CDK20: variants seen among roughly 807,000 people sequenced by gnomAD.
The protein encoded by CDK20 is cyclin dependent kinase 20.
CDK20 carries 40 observed loss-of-function variants against 38.6 expected under a neutral mutation model. That is an observed-to-expected ratio of 1.04 (90% CI 0.81 to 1.35). The LOEUF (loss-of-function observed/expected upper bound fraction) is 1.35, where lower values mean the gene tolerates loss of function less well. Ranked by LOEUF, CDK20 falls within the 40% of genes most tolerant of loss-of-function variation. CDK20 has a pLI of 0.00. For synonymous variants in CDK20, 209 were observed against 185.7 expected (o/e 1.13, Z -1.02); for missense variants, 512 against 452.6 (o/e 1.13, Z -1.19).
intron 4 of CDK20, 37 bp downstream of exon 4, chr9:87,970,739 C>T (rs992471237): frequency 1.9e-6 from 3 of 1,613,656 alleles, no homozygotes; most frequent in African/African-American, 2.7e-5. Flanking sequence ...CATCTCTTCC[C>T]CATGGAGAAG....
chr9:87,968,270 GT>G (rs1829572061), intron 7 of CDK20: 1 of 152,446 alleles, frequency 6.6e-6, no homozygotes, highest in Non-Finnish European at 1.5e-5. Context: ...CTTGGATAAA[GT>G]TACTCTGTCT....
chr9:87,969,576 CAT>C, intron 6 of CDK20: 4 of 778,646 alleles, frequency 5.1e-6, no homozygotes, highest in Non-Finnish European at 4.1e-6. Context: ...AGACACTGCA[CAT>C]GTGTGTACTG....
chr9:87,970,387 C>G (rs1344285907), intron 5 of CDK20, 181 bp downstream of exon 5: 3 of 608,714 alleles, frequency 4.9e-6, no homozygotes, highest in Admixed American at 3.1e-5. Context: ...CTACCCAGCT[C>G]GAAAACATCA....
rs1321525635 is a variant in CDK20, at chr9:87,971,279, C to G, written c.246G>C (p.Glu82Asp). ...CCTCGGCCAGATCCGACAGCATGAA[C>G]TCAAAGGCCAGCACAAAGCCTCCAC... Reference protein sequence around the residue: ...PHGGGFVLAFEFMLSDLAEVV... With the variant: ...PHGGGFVLAFDFMLSDLAEVV... Residue 82 changes from glutamate to aspartate, a missense_variant, in exon 3 of 8, where the codon GAG becomes GAC. By Grantham distance (45) the Glu-to-Asp change is conservative. Transcript: ENST00000325303. The G allele has an allele frequency of 6.2e-7, 1 of 1,614,082 alleles. No individual in the cohort carries two copies.
chr9:87,972,357 T>G (rs1338592405), intron 2 of CDK20, among the ~76,000 whole-genome samples: 6 of 152,088 alleles, frequency 3.9e-5, no homozygotes, highest in Non-Finnish European at 8.8e-5. Flanking sequence ...GAAAAGCAAG[T>G]GCAAGGCCCT....
intron 7 of CDK20, chr9:87,968,520 C>T (rs1175196634): frequency 6.6e-6 from 1 of 152,622 alleles, no homozygotes; most frequent in Non-Finnish European, 1.5e-5. Context: ...TGGTCATCGT[C>T]CTCCCAGGCC....
rs776675932 is a variant in CDK20 at position 87,971,093 on chromosome 9, C to T, written c.378+54G>A. 206 of 1,577,086 alleles carry T rather than the reference C, an allele frequency of 1.3e-4. 1 individual carries two copies. The highest frequency in any genetic ancestry group is 1.6e-4 in the Non-Finnish European group (186 of 1,153,030). ...CACCTTTTACAAGGGCTAGCCCCATCCCCAAGCCAAGTCAGCTCCCCAGAC... is the reference window on the plus strand; with the variant it reads ...CACCTTTTACAAGGGCTAGCCCCATTCCCAAGCCAAGTCAGCTCCCCAGAC... On this transcript the variant is annotated intron_variant, in intron 3 of 7. Coordinates refer to ENST00000325303, the MANE Select transcript of CDK20 (RefSeq NM_001039803.3).
In CDK20 at chr9:87,966,801, A is replaced by C; in HGVS notation, c.*661T>G. 1 of 340,898 alleles carries C rather than the reference A, an allele frequency of 2.9e-6. No homozygotes were observed. Among genetic ancestry groups the C allele is most frequent in the Non-Finnish European group, 5.8e-6 (1 of 172,500 alleles). 21.1% of individuals were successfully genotyped at this position (340,898 alleles called of 1,614,324 possible). On this transcript the variant is annotated 3_prime_UTR_variant, in exon 8 of 8. Coordinates refer to ENST00000325303, the MANE Select transcript of CDK20 (RefSeq NM_001039803.3). ...CTGGGCCTAGACTTCTGTCTCCCTC[A>C]CTTCTAAATGAGTGCTCAGTGATGT...
rs1158301590 is a variant in CDK20, at chr9:87,971,341, G to T, written c.190-6C>A. Reference sequence around the variant, plus strand: ...ACAGCCTTCAGTTGTACCACCTGTGGGCAGGACATCTTGTTAGCCCCCAGA... The same window carrying T: ...ACAGCCTTCAGTTGTACCACCTGTGTGCAGGACATCTTGTTAGCCCCCAGA... On this transcript the variant is annotated splice_polypyrimidine_tract_variant and splice_region_variant and intron_variant, in intron 2 of 7. Transcript: ENST00000325303. 5 of 1,607,748 alleles carry T rather than the reference G, an allele frequency of 3.1e-6. No individual in the cohort carries two copies. The highest frequency in any genetic ancestry group is 4.2e-6 in the Non-Finnish European group (5 of 1,176,744).
chr9:87,970,622 C>T lies in CDK20; in HGVS notation c.509G>A (p.Arg170Gln), dbSNP rs777935532. The T allele has an allele frequency of 1.2e-4, 192 of 1,613,868 alleles. No homozygotes were observed. Among genetic ancestry groups the T allele is most frequent in the Non-Finnish European group, 1.5e-4 (177 of 1,179,986 alleles). ...YTHQVATRWY[R>Q]APELLYGARQ... ...GGCACCATACAGGAGCTCGGGGGCTCGGTACCACCTGCGAGGAAGAGGGCT... is the reference window on the plus strand; with the variant it reads ...GGCACCATACAGGAGCTCGGGGGCTTGGTACCACCTGCGAGGAAGAGGGCT... Residue 170 changes from arginine to glutamine, a missense_variant, in exon 5 of 8, where the codon CGA becomes CAA. Coordinates refer to ENST00000325303, the MANE Select transcript of CDK20 (RefSeq NM_001039803.3).
rs1394523485 is a variant in CDK20, at chr9:87,971,188, T to C, written c.337A>G (p.Lys113Glu). 8 of 1,614,070 alleles carry C rather than the reference T, an allele frequency of 5.0e-6. No individual in the cohort carries two copies. Among genetic ancestry groups the C allele is most frequent in the Non-Finnish European group, 6.8e-6 (8 of 1,180,046 alleles). ...QVKSYLQMLL[K>E]GVAFCHANNI... is the part of the protein sequence containing the mutation. Reference sequence around the variant, plus strand: ...TTGGCATGGCAGAAGGCGACACCCTTGAGCAGCATCTGCAGGTAGCTCTTG... The same window carrying C: ...TTGGCATGGCAGAAGGCGACACCCTCGAGCAGCATCTGCAGGTAGCTCTTG... Residue 113 changes from lysine to glutamate, a missense_variant, in exon 3 of 8, where the codon AAG (lysine) becomes GAG (glutamate). By Grantham distance (56) the Lys-to-Glu change is moderately conservative. Coordinates refer to ENST00000325303, the MANE Select transcript of CDK20 (RefSeq NM_001039803.3).
rs1447739062 is a variant in CDK20 at position 87,973,952 on chromosome 9, C to T, written c.159G>A (p.Lys53=). ...GATTGTCCTCCATCTCCTGCAGAGC[C>T]TTAATCTCCCGCAGGGCCTGGTTAG... ...GFPNQALREI[K]ALQEMEDNQY... is the part of the protein sequence containing the mutation. Residue 53 remains lysine (K), a synonymous_variant, in exon 2 of 8, where the codon AAG becomes AAA. Transcript: ENST00000325303. The T allele has an allele frequency of 1.9e-6, 3 of 1,614,104 alleles. No individual in the cohort carries two copies. The highest frequency in any genetic ancestry group is 2.2e-5 in the East Asian group (1 of 44,860).
intron 2 of CDK20, among the ~76,000 whole-genome samples, chr9:87,972,239 G>T (rs1055547111): frequency 6.6e-6 from 1 of 152,104 alleles, no homozygotes; most frequent in African/African-American, 2.4e-5. Flanking sequence ...ACTAGAAGAG[G>T]ATAGTGTGAT....
chr9:87,970,388 G>A (rs1016879100), intron 5 of CDK20, 180 bp downstream of exon 5: 14 of 606,590 alleles, frequency 2.3e-5, no homozygotes, highest in South Asian at 1.4e-4. Context: ...TACCCAGCTC[G>A]AAAACATCAT....
At position 87,973,907 on chromosome 9, in the gene CDK20, C is replaced by T; in HGVS notation, c.189+15G>A. 6.2e-7 allele frequency: 1 copy of T among 1,610,990 alleles called. No individual in the cohort carries two copies. Among genetic ancestry groups the T allele is most frequent in the Non-Finnish European group, 8.5e-7 (1 of 1,178,030 alleles). On this transcript the variant is annotated intron_variant, in intron 2 of 7. Coordinates refer to ENST00000325303, the MANE Select transcript of CDK20 (RefSeq NM_001039803.3). The stretch of plus-strand genomic sequence containing the variant: ...ACTGAGGGTGAGAATACCATGCCCC[C>T]CCTCCCCTACTCACATACTGATTGT...
At position 87,974,373 on chromosome 9, in the gene CDK20, T is replaced by G. The variant is rs377600589; in HGVS notation, c.74A>C (p.Glu25Ala). The G allele has an allele frequency of 1.1e-4, 177 of 1,612,208 alleles. No individual in the cohort carries two copies. Among genetic ancestry groups the G allele is most frequent in the Non-Finnish European group, 1.4e-4 (171 of 1,179,890 alleles). Reference protein sequence around the residue: ...HGIVFKAKHVETGEIVALKKV... With the variant: ...HGIVFKAKHVATGEIVALKKV... ...CTGCCGGCCGCGGTCCAGCCTCACC[T>G]CCACGTGCTTGGCCTTGAAGACGAT... Residue 25 changes from glutamate (E) to alanine (A), a missense_variant and splice_region_variant, in exon 1 of 8, where the codon GAG becomes GCG. By Grantham distance (107) the Glu-to-Ala change is moderately radical (BLOSUM62 -1). Coordinates refer to ENST00000325303, the MANE Select transcript of CDK20 (RefSeq NM_001039803.3).
In CDK20 at chr9:87,974,035, T is replaced by C. The variant is rs1314117680; in HGVS notation, c.76A>G (p.Thr26Ala). The C allele has an allele frequency of 6.2e-7, 1 of 1,614,020 alleles. No individual in the cohort carries two copies. Among genetic ancestry groups the C allele is most frequent in the Non-Finnish European group, 8.5e-7 (1 of 1,180,012 alleles). ...TTCTTGAGGGCAACTATCTCGCCAG[T>C]CTGCAGGATAGAAGGCAGACACTGC... ...GIVFKAKHVE[T>A]GEIVALKKVA... The change falls in exon 2 of 8, where the codon ACT becomes GCT. Residue 26 changes from threonine (T) to alanine (A), a missense_variant and splice_region_variant. Coordinates refer to ENST00000325303, the MANE Select transcript of CDK20 (RefSeq NM_001039803.3).
At chr9:87,970,043 T>C in intron 5 of CDK20, 124 bp from the exon 6 acceptor site, 1 of 1,135,318 alleles carries the variant, frequency 8.8e-7, no homozygotes, top group Non-Finnish European at 1.2e-6. Context: ...GAGCCTCACG[T>C]CCAGAGGCCC....
chr9:87,969,913 C>T lies in CDK20; in HGVS notation c.570G>A (p.Val190=). 7 of 1,571,416 alleles carry T rather than the reference C, an allele frequency of 4.5e-6. No individual in the cohort carries two copies. Among genetic ancestry groups the T allele is most frequent in the Non-Finnish European group, 4.3e-6 (5 of 1,157,680 alleles). The change falls in exon 6 of 8, where the codon GTG becomes GTA. Residue 190 remains valine (V), a synonymous_variant. Transcript: ENST00000325303. ...TCAACAGCTCCCCCATGATGCAGCC[C>T]ACAGACCTGTGGACACAGAGCCCCA... is the stretch of plus-strand genomic sequence containing the variant. ...QYDQGVDLWS[V]GCIMGELLNG...
Sources: allele counts gnomAD v4.1 joint callset (sites outside exome capture counted in the v4.1 genomes callset), GRCh38; gene constraint gnomAD v4.1.1; transcripts MANE v1.5; gene names NCBI Gene and HGNC (gene_info 2026-07-23, HGNC 2026-07-21).